The following DIAPH2 variants were observed in gnomAD, a reference collection of about 807,000 sequenced individuals.
DIAPH2 encodes diaphanous related formin 2, also known as protein diaphanous homolog 2.
DIAPH2 carries 35 observed loss-of-function variants against 92.7 expected under a neutral mutation model. The observed-to-expected ratio is 0.38, with a 90% CI of 0.29 to 0.50. The LOEUF is 0.50. DIAPH2 is among the 20% of genes least tolerant of loss of function. The pLI, the probability that DIAPH2 is intolerant of heterozygous loss-of-function variation, is 0.94. For synonymous variants in DIAPH2, 301 were observed against 280.4 expected (o/e 1.07, Z -0.73); for missense variants, 701 against 819.5 (o/e 0.86, Z 1.77).
At chrX:96,960,157 A>G (rs2065837967) in intron 16 of DIAPH2, among the ~76,000 whole-genome samples, 1 of 111,105 alleles carries the variant, frequency 9.0e-6, no homozygotes. Context: ...TGTTAATGGT[A>G]TTTTGATAGG....
rs201230690 is a variant in DIAPH2, at chrX:97,437,971, G to GA, written c.3241+8235dup. On this transcript the variant is annotated intron_variant, in intron 26 of 26. Transcript: ENST00000324765. ...GAAATCAACAAAGGATACTCAGAAA[G>GA]AAAAAAAAATTAGGGAAGAAGAGAA... Among the ~76,000 whole-genome samples, 18 of 107,423 alleles carry GA rather than the reference G, an allele frequency of 1.7e-4. No individual in the cohort carries two copies. The East Asian group carries it at 2.0e-3, about 12-fold the overall frequency. The allele number at this position is 107,423 out of a possible 115,157, so 93.3% of individuals were successfully genotyped here.
chrX:97,479,259 A>G (rs1437151852), intron 26 of DIAPH2, among the ~76,000 whole-genome samples: 3 of 111,204 alleles, frequency 2.7e-5, no homozygotes, highest in East Asian at 2.8e-4. Flanking sequence ...GAGAATTACA[A>G]CAAGTAGAGC....
At chrX:97,137,278 T>TATATATATATAC (rs2067178184) in intron 21 of DIAPH2, among the ~76,000 whole-genome samples, 1 of 74,594 alleles carries the variant, frequency 1.3e-5, no homozygotes, top group Non-Finnish European at 2.4e-5. Context: ...TACATATATA[T>TATATATATATAC]ATATATATAT....
chrX:97,190,794 AC>A (rs1295090973), intron 22 of DIAPH2, among the ~76,000 whole-genome samples: 1 of 101,575 alleles, frequency 9.8e-6, no homozygotes, highest in East Asian at 3.1e-4. Flanking sequence ...AGATCATGCC[AC>A]TGTACTCTAG....
chrX:97,286,808 G>T (rs910033384), intron 23 of DIAPH2, among the ~76,000 whole-genome samples: 1 of 111,108 alleles, frequency 9.0e-6, no homozygotes, highest in African/African-American at 3.3e-5. Flanking sequence ...CTTCAGGAAT[G>T]ACCCAGATAC....
At chrX:96,687,681 C>G (rs2063778540) in intron 1 of DIAPH2, among the ~76,000 whole-genome samples, 1 of 111,298 alleles carries the variant, frequency 9.0e-6, no homozygotes, top group South Asian at 3.8e-4. Flanking sequence ...TAGAGAGGAA[C>G]TGCTTTCATT....
At chrX:97,539,547 G>A (rs1415067581) in intron 26 of DIAPH2, among the ~76,000 whole-genome samples, 1 of 112,088 alleles carries the variant, frequency 8.9e-6, no homozygotes, top group African/African-American at 3.2e-5. Flanking sequence ...TAGTTTTAAA[G>A]CAATAGTACA....
At chrX:97,220,386 AAG>A (rs766508548) in intron 22 of DIAPH2, among the ~76,000 whole-genome samples, 29 of 111,145 alleles carry the variant, frequency 2.6e-4, no homozygotes, top group African/African-American at 8.8e-4. Flanking sequence ...AAAAAAGAAA[AAG>A]AAATCTCAGA....
At chrX:97,402,476 A>C (rs1367938900) in intron 25 of DIAPH2, among the ~76,000 whole-genome samples, 1 of 111,549 alleles carries the variant, frequency 9.0e-6, no homozygotes, top group Non-Finnish European at 1.9e-5. Flanking sequence ...CATTTTGTTC[A>C]CCCTTGCTGG....
chrX:97,013,436 C>T (rs2066240634), intron 17 of DIAPH2, among the ~76,000 whole-genome samples: 1 of 111,782 alleles, frequency 8.9e-6, no homozygotes, highest in Non-Finnish European at 1.9e-5. Flanking sequence ...AGAGTTATTT[C>T]TCCAGGCCTT....
chrX:97,454,361 C>T (rs1019581731), intron 26 of DIAPH2, among the ~76,000 whole-genome samples: 5 of 110,537 alleles, frequency 4.5e-5, no homozygotes, highest in African/African-American at 1.7e-4. Flanking sequence ...AGAATACAGA[C>T]TGTATAATTG....
intron 17 of DIAPH2, among the ~76,000 whole-genome samples, chrX:96,999,749 C>T (rs182540557): frequency 4.1e-4 from 46 of 111,176 alleles, no homozygotes; most frequent in Middle Eastern, 9.3e-3. Flanking sequence ...GCTGTGTTCC[C>T]ACCCAAATCT....
Position 97,604,785 on chromosome X carries a change from G to A in DIAPH2, c.*5468G>A, listed in dbSNP as rs1293001926. On this transcript the variant is annotated 3_prime_UTR_variant, in exon 27 of 27. Coordinates refer to ENST00000324765, the MANE Select transcript of DIAPH2 (RefSeq NM_006729.5). Reference sequence around the variant, plus strand: ...CGTGAATCCCTCACCTAAAGGGAGAGGTGAAAGCAAAGACTGCTTTGAATG... The same window carrying A: ...CGTGAATCCCTCACCTAAAGGGAGAAGTGAAAGCAAAGACTGCTTTGAATG... 1 of 111,700 alleles carries A rather than the reference G, an allele frequency of 9.0e-6. No homozygotes were observed. The highest frequency in any genetic ancestry group is 3.3e-5 in the African/African-American group (1 of 30,578). The allele number at this position is 111,700 out of a possible 1,213,427, so 9.2% of individuals were successfully genotyped here.
chrX:96,729,583 A>T (rs185107946), intron 1 of DIAPH2, among the ~76,000 whole-genome samples: 1 of 112,335 alleles, frequency 8.9e-6, no homozygotes, highest in Admixed American at 9.4e-5. Context: ...TGACAGATTT[A>T]TCAAAATTAT....
chrX:96,837,431 CTCTG>C (rs1434175386), intron 4 of DIAPH2, among the ~76,000 whole-genome samples: 66 of 36,497 alleles, frequency 1.8e-3, no homozygotes, highest in African/African-American at 0.015. Flanking sequence ...CTCTCTCTCT[CTCTG>C]TGTGTGTGTG....
chrX:97,011,891 CAAAAAAAAAAAAAAAAA>C (rs1169242843), intron 17 of DIAPH2, among the ~76,000 whole-genome samples: 20 of 32,199 alleles, frequency 6.2e-4, no homozygotes, highest in Non-Finnish European at 7.7e-4. Context: ...GACACTGTCT[CAAAAAAAAAAAAAAAAA>C]AAAAAAAAAA....
At chrX:96,844,205 A>C (rs1229446721) in intron 4 of DIAPH2, among the ~76,000 whole-genome samples, 1 of 112,816 alleles carries the variant, frequency 8.9e-6, no homozygotes, top group African/African-American at 3.2e-5. Flanking sequence ...TTCATTAACA[A>C]GCATATTTCA....
At chrX:97,271,300 C>T (rs917636612) in intron 23 of DIAPH2, among the ~76,000 whole-genome samples, 2 of 111,664 alleles carry the variant, frequency 1.8e-5, no homozygotes, top group African/African-American at 6.5e-5. Context: ...TAATGCTGTC[C>T]TTCAGATAAT....
intron 22 of DIAPH2, among the ~76,000 whole-genome samples, chrX:97,208,275 T>C (rs1169710439): frequency 8.9e-6 from 1 of 112,188 alleles, no homozygotes; most frequent in Non-Finnish European, 1.9e-5. Flanking sequence ...AAGAATATAA[T>C]AGTAAACAAG....
Sources: gnomAD v4.1 joint callset for allele counts (sites outside exome capture counted in the v4.1 genomes callset) on GRCh38, gnomAD v4.1.1 for gene constraint, MANE v1.5 for transcripts, NCBI Gene and HGNC (gene_info 2026-07-23, HGNC 2026-07-21) for gene names.